SPTBN1: variants seen among roughly 807,000 people sequenced by gnomAD.
SPTBN1 encodes spectrin beta, non-erythrocytic 1.
In SPTBN1, 32 loss-of-function variants were observed where a neutral mutation model predicts 266.4. That is an observed-to-expected ratio of 0.12 (90% CI 0.09 to 0.16). SPTBN1 has a LOEUF of 0.16. Among genes scored for constraint, SPTBN1 ranks in the 10% least tolerant of loss-of-function variants. The pLI, the probability that SPTBN1 is intolerant of heterozygous loss-of-function variation, is 1.00. For synonymous variants in SPTBN1, 1,336 were observed against 1,162.2 expected (o/e 1.15, Z -3.04); for missense variants, 2,296 against 3,067.1 (o/e 0.75, Z 5.94).
At chr2:54,624,414 C>T (rs1678191571) in intron 10 of SPTBN1, among the ~76,000 whole-genome samples, 1 of 151,972 alleles carries the variant, frequency 6.6e-6, no homozygotes, top group Non-Finnish European at 1.5e-5. Context: ...AAAAGTGGCC[C>T]AGGGTGGAAT....
chr2:54,587,663 G>A (rs1675381111), intron 2 of SPTBN1, among the ~76,000 whole-genome samples: 1 of 152,160 alleles, frequency 6.6e-6, no homozygotes, highest in Non-Finnish European at 1.5e-5. Context: ...CTTGTGGGGA[G>A]GGCTGGAAAG....
chr2:54,603,499 G>A (rs1218912985), intron 3 of SPTBN1, among the ~76,000 whole-genome samples: 1 of 152,172 alleles, frequency 6.6e-6, no homozygotes, highest in African/African-American at 2.4e-5. Flanking sequence ...TAGGCGATAT[G>A]GTGTGGACTG....
chr2:54,662,957 A>G (rs1681152445), intron 32 of SPTBN1: 1 of 152,150 alleles, frequency 6.6e-6, no homozygotes, highest in African/African-American at 2.4e-5. Context: ...AAGGGTTCCA[A>G]TCAAAACCAC....
At chr2:54,654,511 A>G (rs530357041) in intron 27 of SPTBN1, among the ~76,000 whole-genome samples, 2 of 152,308 alleles carry the variant, frequency 1.3e-5, no homozygotes, top group East Asian at 1.9e-4. Flanking sequence ...TTTATGATAT[A>G]TATTTTTTTG....
intron 2 of SPTBN1, among the ~76,000 whole-genome samples, chr2:54,593,889 G>T (rs1342160830): frequency 7.2e-6 from 1 of 139,298 alleles, no homozygotes; most frequent in Non-Finnish European, 1.5e-5. Flanking sequence ...GCTGGAGTGC[G>T]GTGGCATGAT....
chr2:54,561,598 G>A (rs1673301216), intron 2 of SPTBN1, among the ~76,000 whole-genome samples: 1 of 151,662 alleles, frequency 6.6e-6, no homozygotes, highest in African/African-American at 2.4e-5. Flanking sequence ...GAGATTTGGA[G>A]TTCTGGCTAA....
chr2:54,532,466 A>G (rs1387767948), intron 2 of SPTBN1, among the ~76,000 whole-genome samples: 1 of 152,212 alleles, frequency 6.6e-6, no homozygotes, highest in Non-Finnish European at 1.5e-5. Context: ...CATCTTTTGT[A>G]TATGTAACAG....
chr2:54,623,709 C>A (rs1463887863), intron 10 of SPTBN1, 113 bp downstream of exon 10: 22 of 820,846 alleles, frequency 2.7e-5, no homozygotes, highest in Non-Finnish European at 4.0e-5. Context: ...TCCCCACCTG[C>A]CGAATTGACA....
chr2:54,621,349 T>A, intron 7 of SPTBN1, 51 bp from the exon 8 acceptor site: 1 of 1,370,972 alleles, frequency 7.3e-7, no homozygotes. Flanking sequence ...GCTACCTGGG[T>A]GGGGCACAGT....
intron 1 of SPTBN1, among the ~76,000 whole-genome samples, chr2:54,481,207 A>G (rs1031936965): frequency 1.3e-5 from 2 of 152,068 alleles, no homozygotes; most frequent in African/African-American, 4.8e-5. Flanking sequence ...AAAAAAAAAA[A>G]GTAACCTTCA....
chr2:54,600,428 T>C lies in SPTBN1; in HGVS notation c.300+1185T>C, dbSNP rs140428793. On this transcript the variant is annotated intron_variant, in intron 3 of 35. Coordinates refer to ENST00000356805, the MANE Select transcript of SPTBN1 (RefSeq NM_003128.3). The stretch of plus-strand genomic sequence containing the variant: ...TTCTGTGAGGGTTTGTCGGTCACAC[T>C]AGACAAACTAGACAAATAACGGAGA... 2.4e-3 allele frequency among the ~76,000 whole-genome samples: 371 copies of C among 152,118 alleles called. 5 individuals are homozygous for C. Among genetic ancestry groups the C allele is most frequent in the East Asian group, 0.017 (90 of 5,186 alleles).
chr2:54,648,680 G>A (rs751628149), intron 24 of SPTBN1, among the ~76,000 whole-genome samples: 3 of 152,104 alleles, frequency 2.0e-5, no homozygotes, highest in Non-Finnish European at 4.4e-5. Context: ...CCCTTTCCCC[G>A]CTAAATTCTC....
At chr2:54,599,062 A>G (rs371816771) in intron 2 of SPTBN1, 30 bp from the exon 3 acceptor site, 12 of 1,611,082 alleles carry the variant, frequency 7.4e-6, no homozygotes, top group East Asian at 4.5e-5. Flanking sequence ...TCTGTGGTCA[A>G]TGGTAAAACA....
chr2:54,551,588 CA>C (rs1672568455), intron 2 of SPTBN1, among the ~76,000 whole-genome samples: 1 of 152,166 alleles, frequency 6.6e-6, no homozygotes, highest in African/African-American at 2.4e-5. Context: ...TTCTCCTCAG[CA>C]GTGATCTCAG....
At position 54,533,932 on chromosome 2, in the gene SPTBN1, G is replaced by A. The variant is rs543725967; in HGVS notation, c.148+7366G>A. Among the ~76,000 whole-genome samples, 571 of 147,944 alleles carry A rather than the reference G, an allele frequency of 3.9e-3. 2 individuals carry two copies. Among genetic ancestry groups the A allele is most frequent in the Non-Finnish European group, 5.2e-3 (345 of 66,944 alleles). ...CACACACACACACACACACACGCAC[G>A]CACGCACACAAACACACACACCCCA... On this transcript the variant is annotated intron_variant, in intron 2 of 35. Coordinates refer to ENST00000356805, the MANE Select transcript of SPTBN1 (RefSeq NM_003128.3). The surrounding 1 kb of genome is among the most constrained non-coding windows in gnomAD (Gnocchi z 4.2).
intron 1 of SPTBN1, among the ~76,000 whole-genome samples, chr2:54,525,707 G>A (rs956894787): frequency 2.6e-5 from 4 of 152,178 alleles, no homozygotes; most frequent in African/African-American, 7.2e-5. Context: ...CCCCACGTAG[G>A]TGTTGATCTA....
intron 5 of SPTBN1, among the ~76,000 whole-genome samples, chr2:54,617,251 G>A (rs1430113209): frequency 6.6e-6 from 1 of 152,214 alleles, no homozygotes; most frequent in Non-Finnish European, 1.5e-5. Context: ...GGGACTGCAG[G>A]TCCTGGTGTC....
At chr2:54,469,696 G>A (rs1693817482) in intron 1 of SPTBN1, among the ~76,000 whole-genome samples, 1 of 152,200 alleles carries the variant, frequency 6.6e-6, no homozygotes, top group Admixed American at 6.5e-5. Context: ...GAGGAGGGTA[G>A]GGGGCTGGAA....
At position 54,670,359 on chromosome 2, in the gene SPTBN1, T is replaced by A; in HGVS notation, c.*1790T>A. On this transcript the variant is annotated 3_prime_UTR_variant, in exon 36 of 36. Coordinates refer to ENST00000356805, the MANE Select transcript of SPTBN1 (RefSeq NM_003128.3). ...CCATGCCACTTGCATAAAGCAGCAA[T>A]GGATATTAGTATTATGGATGTCCAG... is the stretch of plus-strand genomic sequence containing the variant. 4.9e-6 allele frequency: 1 copy of A among 204,598 alleles called. No homozygotes were observed. Among genetic ancestry groups the A allele is most frequent in the Non-Finnish European group, 9.7e-6 (1 of 102,784 alleles). 12.7% of individuals were successfully genotyped at this position (204,598 alleles called of 1,614,324 possible).
Sources: allele counts gnomAD v4.1 joint callset (sites outside exome capture counted in the v4.1 genomes callset), GRCh38; gene constraint gnomAD v4.1.1; non-coding constraint Gnocchi (gnomAD v3.1); transcripts MANE v1.5; gene names NCBI Gene and HGNC (gene_info 2026-07-23, HGNC 2026-07-21).